IPO9: variants seen among roughly 807,000 people sequenced by gnomAD.
IPO9 encodes importin-9.
IPO9 carries 28 observed loss-of-function variants against 128.6 expected under a neutral mutation model. The observed-to-expected ratio is 0.22, with a 90% CI of 0.16 to 0.30. The LOEUF is 0.30. IPO9 is among the 10% of genes least tolerant of loss of function. The probability of loss-of-function intolerance (pLI) is 1.00; values close to 1 mark genes in which losing one functional copy is unlikely to be tolerated. For missense variants in IPO9, 935 were observed against 1,293.9 expected, an observed-to-expected ratio of 0.72 and a Z score of 4.26; for synonymous variants, 455 against 475.8, an observed-to-expected ratio of 0.96 and a Z score of 0.57.
At chr1:201,858,682 T>C in intron 12 of IPO9, 129 bp downstream of exon 12, 1 of 801,162 alleles carries the variant, frequency 1.2e-6, no homozygotes, top group Non-Finnish European at 1.9e-6. Context: ...TTTAATCTCT[T>C]ATTATTAAAA....
At chr1:201,851,882 C>T (rs1382349871) in intron 4 of IPO9, among the ~76,000 whole-genome samples, 9 of 151,976 alleles carry the variant, frequency 5.9e-5, no homozygotes, top group Non-Finnish European at 1.5e-5. Flanking sequence ...TTTTTAATCT[C>T]TTGTATTTTT....
At chr1:201,840,167 A>G (rs993302821) in intron 1 of IPO9, among the ~76,000 whole-genome samples, 2 of 152,102 alleles carry the variant, frequency 1.3e-5, no homozygotes, top group Non-Finnish European at 2.9e-5. Context: ...CCTCCTCACT[A>G]TAGCCTCAAC....
chr1:201,839,185 G>C (rs1170780036), intron 1 of IPO9, among the ~76,000 whole-genome samples: 1 of 151,228 alleles, frequency 6.6e-6, no homozygotes, highest in Non-Finnish European at 1.5e-5. Flanking sequence ...CTCCCAAAGT[G>C]TTGGGATTAC....
chr1:201,868,988 C>T (rs1680603759), intron 16 of IPO9, among the ~76,000 whole-genome samples, 192 bp downstream of exon 16: 1 of 152,164 alleles, frequency 6.6e-6, no homozygotes. Flanking sequence ...CGCGGTGGCT[C>T]ATGCCTATAA....
In IPO9 at chr1:201,857,245, C is replaced by T. The variant is rs563064570; in HGVS notation, c.1221+51C>T. ...ACATAATTTCTATCAGTCACTTGAG[C>T]ATTTCTTCTTTTTTGTAGACAACTA... On this transcript the variant is annotated intron_variant, in intron 11 of 23. Transcript: ENST00000361565. 5 of 1,249,044 alleles carry T rather than the reference C, an allele frequency of 4.0e-6. No individual in the cohort carries two copies. In the African/African-American group the frequency reaches 4.4e-5, roughly 11 times the overall value. The allele number at this position is 1,249,044 out of a possible 1,614,324, so 77.4% of individuals were successfully genotyped here.
chr1:201,829,653 A>G, intron 1 of IPO9: 1 of 326,622 alleles, frequency 3.1e-6, no homozygotes, highest in Non-Finnish European at 5.6e-6. Flanking sequence ...GGGGACGGAG[A>G]TGGAGCTAGA....
chr1:201,859,522 A>C (rs1680401628), intron 13 of IPO9, among the ~76,000 whole-genome samples: 1 of 152,080 alleles, frequency 6.6e-6, no homozygotes, highest in Admixed American at 6.6e-5. Flanking sequence ...TCCCATTGTT[A>C]AGTCCAGAAT....
At chr1:201,831,657 T>G (rs1679834142) in intron 1 of IPO9, among the ~76,000 whole-genome samples, 11 of 152,158 alleles carry the variant, frequency 7.2e-5, no homozygotes, top group Admixed American at 7.2e-4. Context: ...CTCAGATGTT[T>G]TCTGAACATG....
chr1:201,837,813 G>A (rs966117226), intron 1 of IPO9, among the ~76,000 whole-genome samples: 2 of 152,234 alleles, frequency 1.3e-5, no homozygotes, highest in African/African-American at 4.8e-5. Context: ...GCTCATGCCT[G>A]TAATCCCAGC....
chr1:201,878,049 T>C lies in IPO9; in HGVS notation c.*1995T>C, dbSNP rs1336867201. 5 of 152,214 alleles carry C rather than the reference T, an allele frequency of 3.3e-5. No individual in the cohort carries two copies. The South Asian group carries it at 1.0e-3, about 31-fold the overall frequency. The allele number at this position is 152,214 out of a possible 1,614,324, so 9.4% of individuals were successfully genotyped here. On this transcript the variant is annotated 3_prime_UTR_variant, in exon 24 of 24. Coordinates refer to ENST00000361565, the MANE Select transcript of IPO9 (RefSeq NM_018085.5). Reference sequence around the variant, plus strand: ...AGGTGTCCCCAGTGTTCAACCTCCATGACTGAGATTGGAAGAAGTAGAGTT... The same window carrying C: ...AGGTGTCCCCAGTGTTCAACCTCCACGACTGAGATTGGAAGAAGTAGAGTT...
rs1680293486 is a variant in IPO9, at chr1:201,854,597, T to C, written c.693T>C (p.Gly231=). Residue 231 remains glycine (G), a splice_region_variant and synonymous_variant, in exon 7 of 24, where the codon GGT becomes GGC. Coordinates refer to ENST00000361565, the MANE Select transcript of IPO9 (RefSeq NM_018085.5). ...MICNMEELEK[G]AAKVLIFPVV... ...TTGACTTTGGTTTCTGTTATCAGGG[T>C]GCAGCCAAAGTCCTGATCTTTCCCG... 1 of 1,613,594 alleles carries C rather than the reference T, an allele frequency of 6.2e-7. No homozygotes were observed. Among genetic ancestry groups the C allele is most frequent in the Non-Finnish European group, 8.5e-7 (1 of 1,180,016 alleles).
rs1245343743 is a variant in IPO9, at chr1:201,856,947, A to G, written c.1123-149A>G. On this transcript the variant is annotated intron_variant, in intron 10 of 23. Coordinates refer to ENST00000361565, the MANE Select transcript of IPO9 (RefSeq NM_018085.5). Reference sequence around the variant, plus strand: ...AGCAGTCCTCCCACCTTGGCCTCCCAAAGTGTCAGGATTACAGTTGTGAGC... The same window carrying G: ...AGCAGTCCTCCCACCTTGGCCTCCCGAAGTGTCAGGATTACAGTTGTGAGC... 12 of 627,264 alleles carry G rather than the reference A, an allele frequency of 1.9e-5. No homozygotes were observed. In the Admixed American group the frequency reaches 2.1e-4, roughly 11 times the overall value. The allele number at this position is 627,264 out of a possible 1,614,324, so 38.9% of individuals were successfully genotyped here. A position where few individuals can be genotyped will look rare whatever the true frequency, so the allele number is the denominator to read the frequency against.
Position 201,878,774 on chromosome 1 carries a change from CTG to C in IPO9, c.*2724_*2725del, listed in dbSNP as rs949783132. ...GTTGATGAGAAAAAGAGTGGAGAGACTGTGTCCAGTGTCAGCAGGAAGAAAAA... is the reference window on the plus strand; with the variant it reads ...GTTGATGAGAAAAAGAGTGGAGAGACTGTCCAGTGTCAGCAGGAAGAAAAA... On this transcript the variant is annotated 3_prime_UTR_variant, in exon 24 of 24. Coordinates refer to ENST00000361565, the MANE Select transcript of IPO9 (RefSeq NM_018085.5). 3 of 152,144 alleles carry C rather than the reference CTG, an allele frequency of 2.0e-5. No homozygotes were observed. The highest frequency in any genetic ancestry group is 4.8e-5 in the African/African-American group (2 of 41,422). The allele number at this position is 152,144 out of a possible 1,614,324, so 9.4% of individuals were successfully genotyped here.
Position 201,879,064 on chromosome 1 carries a change from A to G in IPO9, c.*3010A>G, listed in dbSNP as rs915784329. 5.9e-5 allele frequency: 9 copies of G among 152,226 alleles called. No homozygotes were observed. The highest frequency in any genetic ancestry group is 2.2e-4 in the African/African-American group (9 of 41,464). The allele number at this position is 152,226 out of a possible 1,614,324, so 9.4% of individuals were successfully genotyped here. The stretch of plus-strand genomic sequence containing the variant: ...GTTTGTCGAGCTTTTATTGGAGTGA[A>G]CTGAAAGGAAAATGGAAGGAATGCT... On this transcript the variant is annotated 3_prime_UTR_variant, in exon 24 of 24. Transcript: ENST00000361565.
chr1:201,869,252 A>G (rs1444418950), intron 16 of IPO9, among the ~76,000 whole-genome samples: 1 of 152,084 alleles, frequency 6.6e-6, no homozygotes, highest in Non-Finnish European at 1.5e-5. Context: ...CTGCCTCAAA[A>G]AGAAAGAAAG....
At chr1:201,864,237 C>T (rs1197244933) in intron 14 of IPO9, among the ~76,000 whole-genome samples, 2 of 152,162 alleles carry the variant, frequency 1.3e-5, no homozygotes, top group Non-Finnish European at 2.9e-5. Flanking sequence ...AGAGGAGTAT[C>T]TTTTGAGATG....
chr1:201,847,306 C>T lies in IPO9; in HGVS notation c.191C>T (p.Thr64Ile). Residue 64 changes from threonine (T) to isoleucine (I), a missense_variant, in exon 2 of 24, where the codon ACT (threonine) becomes ATT (isoleucine). By Grantham distance (89) the Thr-to-Ile change is moderately conservative (BLOSUM62 -1). This residue lies in a region of IPO9 where 741 missense variants were observed against 1,019.1 expected (regional missense o/e 0.73). Coordinates refer to ENST00000361565, the MANE Select transcript of IPO9 (RefSeq NM_018085.5). ...TTTGGTGTTCACTTGGCAGAACTGA[C>T]TGTAGATCCCCAGGGGGCACTGGCA... ...EEFGVHLAELTVDPQGALAIR... is the reference protein window; with the variant it reads ...EEFGVHLAELIVDPQGALAIR... 2 of 1,614,022 alleles carry T rather than the reference C, an allele frequency of 1.2e-6. No homozygotes were observed. The highest frequency in any genetic ancestry group is 2.2e-5 in the East Asian group (1 of 44,876).
chr1:201,860,963 C>T (rs554526893), intron 13 of IPO9, among the ~76,000 whole-genome samples: 2 of 152,130 alleles, frequency 1.3e-5, no homozygotes, highest in Admixed American at 6.5e-5. Flanking sequence ...GTCAGGAGTT[C>T]GAGACCAGCC....
intron 5 of IPO9, 104 bp from the exon 6 acceptor site, chr1:201,852,907 T>C (rs1680252182): frequency 1.1e-6 from 1 of 870,290 alleles, no homozygotes. Flanking sequence ...TCCAATCTCA[T>C]GTGAGGATTC....
Sources: gnomAD v4.1 joint callset for allele counts (sites outside exome capture counted in the v4.1 genomes callset) on GRCh38, gnomAD v4.1.1 for gene constraint, gnomAD v4.1.1 regional missense constraint, MANE v1.5 for transcripts, NCBI Gene and HGNC (gene_info 2026-07-23, HGNC 2026-07-21) for gene names.